PPP2R2B: variants seen among roughly 807,000 people sequenced by gnomAD.
The protein encoded by PPP2R2B is serine/threonine-protein phosphatase 2A 55 kDa regulatory subunit B beta isoform.
PPP2R2B carries 5 observed loss-of-function variants against 46.0 expected under a neutral mutation model. The ratio of observed to expected loss-of-function variants is 0.11; its 90% CI spans 0.06 to 0.23. The LOEUF (loss-of-function observed/expected upper bound fraction) is 0.23, where lower values mean the gene tolerates loss of function less well. PPP2R2B is among the 10% of genes least tolerant of loss of function. The pLI, the probability that PPP2R2B is intolerant of heterozygous loss-of-function variation, is 1.00. For synonymous variants in PPP2R2B, 215 were observed against 206.7 expected, an observed-to-expected ratio of 1.04 and a Z score of -0.34; for missense variants, 367 against 575.0, an observed-to-expected ratio of 0.64 and a Z score of 3.70.
intron 2 of PPP2R2B, among the ~76,000 whole-genome samples, chr5:146,851,983 T>A (rs1230559811): frequency 3.3e-5 from 5 of 152,146 alleles, no homozygotes; most frequent in Admixed American, 1.3e-4. Flanking sequence ...TAATTTGACC[T>A]CAATTATGTG....
intron 1 of PPP2R2B, among the ~76,000 whole-genome samples, chr5:146,961,345 G>A (rs1232529518): frequency 6.6e-6 from 1 of 152,214 alleles, no homozygotes; most frequent in Non-Finnish European, 1.5e-5. Context: ...AGCTGAGCCA[G>A]TGGCATGCAT....
chr5:147,044,745 C>T (rs1484345941), intron 1 of PPP2R2B, among the ~76,000 whole-genome samples: 1 of 152,088 alleles, frequency 6.6e-6, no homozygotes, highest in Admixed American at 6.6e-5. Flanking sequence ...GGTCAACTCC[C>T]CTGAGAGGGC....
In PPP2R2B at chr5:146,895,030, A is replaced by G. The variant is rs189225921; in HGVS notation, c.79+160635T>C. 1.6e-3 allele frequency among the ~76,000 whole-genome samples: 237 copies of G among 152,350 alleles called. 3 individuals carry two copies. The highest frequency in any genetic ancestry group is 5.1e-3 in the African/African-American group (211 of 41,574). On this transcript the variant is annotated intron_variant, in intron 1 of 8. Transcript: ENST00000336640. ...AATAATGAATAAATGAGTAAATGAA[A>G]GCAAAACTAAAAGGACAGCTTGGGG...
chr5:146,932,245 C>T (rs1022260192), intron 1 of PPP2R2B, among the ~76,000 whole-genome samples: 5 of 152,140 alleles, frequency 3.3e-5, no homozygotes, highest in East Asian at 3.8e-4. Context: ...CAGCCTGTCC[C>T]TCAGCTTTCT....
intron 2 of PPP2R2B, among the ~76,000 whole-genome samples, chr5:146,782,988 A>G (rs1755628168): frequency 6.6e-6 from 1 of 152,238 alleles, no homozygotes; most frequent in Non-Finnish European, 1.5e-5. Flanking sequence ...GCTATCACAT[A>G]TACTGGCTCA....
chr5:146,978,521 T>C (rs1753020908), intron 1 of PPP2R2B, among the ~76,000 whole-genome samples: 1 of 152,222 alleles, frequency 6.6e-6, no homozygotes, highest in Admixed American at 6.5e-5. Context: ...TTTAAGTCTT[T>C]AATACATCCT....
Position 146,590,102 on chromosome 5 carries a change from C to G in PPP2R2B, c.1177G>C (p.Val393Leu). The change falls in exon 10 of 10, where the codon GTG (valine) becomes CTG (leucine). Residue 393 changes from valine to leucine, a missense_variant. Val to Leu is a conservative substitution (Grantham distance 32, BLOSUM62 1). Around this residue, in one of 2 missense-constraint regions of PPP2R2B, gnomAD observed 361 missense variants for 545.5 expected, o/e 0.66. Transcript: ENST00000394411. ...TTTCTCCGCTTGCCCCCCACACACA[C>G]TTTTCGGGGTTTGAGGATAGCCCGG... ...KPRAILKPRK[V>L]CVGGKRRKDE... 5 of 1,614,142 alleles carry G rather than the reference C, an allele frequency of 3.1e-6. No homozygotes were observed. The highest frequency in any genetic ancestry group is 1.6e-4 in the Middle Eastern group (1 of 6,062).
chr5:146,701,087 C>G lies in PPP2R2B; in HGVS notation c.126G>C (p.Gly42=). 6.2e-7 allele frequency: 1 copy of G among 1,613,974 alleles called. No homozygotes were observed. The highest frequency in any genetic ancestry group is 1.3e-5 in the African/African-American group (1 of 75,028). ...ATATTACAACCCGACCCCCCTTGTC[C>G]CCTGTCGCTAGTAATTCTCCCGTGT... is the stretch of plus-strand genomic sequence containing the variant. The part of the protein sequence containing the change: ...FNHTGELLAT[G]DKGGRVVIFQ... The change falls in exon 3 of 10, where the codon GGG becomes GGC. Residue 42 remains glycine, a synonymous_variant. Coordinates refer to ENST00000394411, the MANE Select transcript of PPP2R2B (RefSeq NM_181675.4).
At chr5:146,698,468 A>G (rs1561841701) in intron 3 of PPP2R2B, among the ~76,000 whole-genome samples, 1 of 151,478 alleles carries the variant, frequency 6.6e-6, no homozygotes, top group Non-Finnish European at 1.5e-5. Context: ...AGAAGTTCTA[A>G]TATTTTCTTT....
At chr5:146,880,431 C>T (rs1489319841), upstream of PPP2R2B, among the ~76,000 whole-genome samples, 1 of 152,150 alleles carries the variant, frequency 6.6e-6, no homozygotes, top group Non-Finnish European at 1.5e-5. Context: ...GAGGTTCCAA[C>T]ATTCAGTCCT....
rs1205071204 is a variant in PPP2R2B, at chr5:146,701,059, G to C, written c.154C>G (p.Gln52Glu). The C allele has an allele frequency of 6.2e-7, 1 of 1,612,614 alleles. No individual in the cohort carries two copies. Among genetic ancestry groups the C allele is most frequent in the Non-Finnish European group, 8.5e-7 (1 of 1,178,798 alleles). Residue 52 changes from glutamine (Q) to glutamate (E), a missense_variant, in exon 3 of 10, where the codon CAA becomes GAA. This residue lies in a region of PPP2R2B where 361 missense variants were observed against 545.5 expected (regional missense o/e 0.66). Transcript: ENST00000394411. ...CCACCACTTACCTCCTGCTCTCGTT[G>C]AAATATTACAACCCGACCCCCCTTG... ...GDKGGRVVIF[Q>E]REQESKNQVH...
chr5:146,800,665 T>C (rs1561917319), intron 2 of PPP2R2B, among the ~76,000 whole-genome samples: 1 of 151,904 alleles, frequency 6.6e-6, no homozygotes, highest in African/African-American at 2.4e-5. Context: ...ACATAAAAAG[T>C]CATAAGCCCA....
At chr5:146,877,081 T>A (rs1003221926) in intron 2 of PPP2R2B, among the ~76,000 whole-genome samples, 1 of 152,160 alleles carries the variant, frequency 6.6e-6, no homozygotes, top group Admixed American at 6.5e-5. Context: ...TGGCTAAGGA[T>A]AAAAGGCCTA....
chr5:146,953,829 T>G lies in PPP2R2B; in HGVS notation c.79+101836A>C, dbSNP rs894808184. ...GGATGTATCCAATGCCAAACTCCTA[T>G]GTAAGAATGCATACATCTAAACACA... On this transcript the variant is annotated intron_variant, in intron 1 of 8. Transcript: ENST00000336640. Among the ~76,000 whole-genome samples the G allele has an allele frequency of 2.0e-5, 3 of 152,302 alleles. No individual in the cohort carries two copies. In the East Asian group the frequency reaches 5.8e-4, roughly 29 times the overall value.
At chr5:146,783,979 G>T (rs974794259) in intron 2 of PPP2R2B, among the ~76,000 whole-genome samples, 1 of 152,140 alleles carries the variant, frequency 6.6e-6, no homozygotes, top group Non-Finnish European at 1.5e-5. Context: ...AGCTTAGCAC[G>T]TAATTCCCAG....
chr5:146,950,463 T>C (rs1764618743), intron 1 of PPP2R2B, among the ~76,000 whole-genome samples: 1 of 152,028 alleles, frequency 6.6e-6, no homozygotes, highest in Admixed American at 6.6e-5. Flanking sequence ...AAGTTTCAAG[T>C]TGGCAGCACA....
chr5:146,742,455 A>T (rs896505924), intron 2 of PPP2R2B, among the ~76,000 whole-genome samples: 3 of 152,188 alleles, frequency 2.0e-5, no homozygotes, highest in African/African-American at 7.2e-5. Context: ...ATGTCTGAAT[A>T]TGGTGGCTAT....
chr5:146,835,317 C>T (rs1355692427), intron 2 of PPP2R2B, among the ~76,000 whole-genome samples: 7 of 152,026 alleles, frequency 4.6e-5, no homozygotes, highest in Admixed American at 3.9e-4. Context: ...AAGAAACATA[C>T]TGAAATTATG....
At chr5:146,696,498 C>T (rs1326814387) in intron 4 of PPP2R2B, among the ~76,000 whole-genome samples, 1 of 152,150 alleles carries the variant, frequency 6.6e-6, no homozygotes, top group Admixed American at 6.5e-5. Context: ...TTTCCTCTGC[C>T]TAAAGTAATT....
Sources: allele counts gnomAD v4.1 joint callset (sites outside exome capture counted in the v4.1 genomes callset), GRCh38; gene constraint gnomAD v4.1.1; regional missense constraint gnomAD v4.1.1; transcripts MANE v1.5; gene names NCBI Gene and HGNC (gene_info 2026-07-23, HGNC 2026-07-21).